Variants in PXDNL observed in about 807,000 individuals in gnomAD.
The protein encoded by PXDNL is probable oxidoreductase PXDNL.
A neutral mutation model predicts 150.8 loss-of-function variants in PXDNL; 145 were observed. The ratio of observed to expected loss-of-function variants is 0.96; its 90% CI spans 0.84 to 1.10. PXDNL has a LOEUF of 1.10. Ranked by LOEUF, PXDNL falls within the 50% of genes least tolerant of loss-of-function variation. The probability of loss-of-function intolerance (pLI) is 0.00; values close to 1 mark genes in which losing one functional copy is unlikely to be tolerated. For missense variants in PXDNL, 2,087 were observed against 1,873.9 expected, an observed-to-expected ratio of 1.11 and a Z score of -2.10; for synonymous variants, 757 against 725.7, an observed-to-expected ratio of 1.04 and a Z score of -0.69.
intron 14 of PXDNL, among the ~76,000 whole-genome samples, chr8:51,422,433 T>G (rs1178478455): frequency 1.3e-5 from 2 of 152,068 alleles, no homozygotes; most frequent in African/African-American, 4.8e-5. Context: ...AATATGTAAG[T>G]GGAAGAATGT....
chr8:51,637,735 T>C (rs143286781), intron 2 of PXDNL, among the ~76,000 whole-genome samples: 6,789 of 152,278 alleles, frequency 0.045, 506 homozygotes, highest in African/African-American at 0.15. Context: ...TTGGTCTACC[T>C]GAAAGTGACA....
intron 2 of PXDNL, among the ~76,000 whole-genome samples, chr8:51,653,832 C>A (rs557770827): frequency 6.6e-6 from 1 of 152,250 alleles, no homozygotes; most frequent in Non-Finnish European, 1.5e-5. Context: ...ACAAACACGC[C>A]CACATGGGTC....
chr8:51,724,071 G>A (rs908742818), intron 1 of PXDNL, among the ~76,000 whole-genome samples: 1 of 149,396 alleles, frequency 6.7e-6, no homozygotes, highest in Non-Finnish European at 1.5e-5. Context: ...GCTATCGCCG[G>A]ACCAGGGGTG....
intron 17 of PXDNL, among the ~76,000 whole-genome samples, chr8:51,404,518 C>G (rs148747077): frequency 0.025 from 3,678 of 146,336 alleles, 113 homozygotes; most frequent in South Asian, 0.082. Flanking sequence ...ACACAGAGTG[C>G]TGATTGGTGT....
chr8:51,466,384 T>C (rs946918043), intron 8 of PXDNL, among the ~76,000 whole-genome samples: 5 of 152,110 alleles, frequency 3.3e-5, no homozygotes, highest in Non-Finnish European at 1.5e-5. Context: ...TATCACCATA[T>C]ACAAAAATCA....
chr8:51,345,549 C>T (rs1443544900), intron 20 of PXDNL, among the ~76,000 whole-genome samples: 1 of 152,128 alleles, frequency 6.6e-6, no homozygotes, highest in African/African-American at 2.4e-5. Flanking sequence ...AATATCAACT[C>T]ATAATGTCAT....
intron 1 of PXDNL, among the ~76,000 whole-genome samples, chr8:51,661,945 A>T (rs1490810811): frequency 6.6e-6 from 1 of 152,018 alleles, no homozygotes; most frequent in Non-Finnish European, 1.5e-5. Flanking sequence ...TAAAGGCTTC[A>T]AAGAAGACAC....
At chr8:51,453,855 G>T in intron 9 of PXDNL, 70 bp from the exon 10 acceptor site, 3 of 1,509,788 alleles carry the variant, frequency 2.0e-6, no homozygotes, top group Non-Finnish European at 2.7e-6. Context: ...ATTCTGCATT[G>T]TGGTTTTAAG....
chr8:51,375,346 A>G (rs1421784003), intron 17 of PXDNL, among the ~76,000 whole-genome samples: 5 of 152,354 alleles, frequency 3.3e-5, no homozygotes, highest in Non-Finnish European at 2.9e-5. Flanking sequence ...CTCACCACTC[A>G]GAGAAAGAAA....
At chr8:51,528,647 T>C (rs575594280) in intron 4 of PXDNL, among the ~76,000 whole-genome samples, 5 of 152,242 alleles carry the variant, frequency 3.3e-5, no homozygotes, top group Admixed American at 3.3e-4. Context: ...ACACCAGTTC[T>C]TAAAAGTGGA....
At chr8:51,722,998 G>T (rs965172941) in intron 1 of PXDNL, among the ~76,000 whole-genome samples, 3 of 151,980 alleles carry the variant, frequency 2.0e-5, no homozygotes, top group Non-Finnish European at 2.9e-5. Flanking sequence ...GTCTCAGGTA[G>T]AACAGCTGAG....
intron 1 of PXDNL, among the ~76,000 whole-genome samples, chr8:51,677,820 A>G (rs1815656677): frequency 6.6e-6 from 1 of 152,198 alleles, no homozygotes; most frequent in African/African-American, 2.4e-5. Context: ...TCATTCCATA[A>G]TGAAAGTAAA....
Position 51,408,923 on chromosome 8 carries a change from C to T in PXDNL, c.2701G>A (p.Gly901Arg), listed in dbSNP as rs767934672. The stretch of plus-strand genomic sequence containing the variant: ...GCCTGGGATTCCCGCTCCGAGCTCC[C>T]GTAAACGTTGGAGCCATCGATGTAG... Reference protein sequence around the residue: ...TAYIDGSNVYGSSERESQALR... With the variant: ...TAYIDGSNVYRSSERESQALR... Residue 901 changes from glycine to arginine, a missense_variant, in exon 17 of 23, where the codon GGG (glycine) becomes AGG (arginine). Transcript: ENST00000356297. 3 of 1,612,000 alleles carry T rather than the reference C, an allele frequency of 1.9e-6. No homozygotes were observed. The highest frequency in any genetic ancestry group is 2.5e-6 in the Non-Finnish European group (3 of 1,179,362).
chr8:51,723,560 A>G (rs1816769901), intron 1 of PXDNL, among the ~76,000 whole-genome samples: 1 of 152,232 alleles, frequency 6.6e-6, no homozygotes, highest in Admixed American at 6.5e-5. Context: ...AGAGAAGTTC[A>G]TCAAGGAGAG....
chr8:51,538,357 A>C (rs895407412), intron 4 of PXDNL, among the ~76,000 whole-genome samples: 2 of 152,072 alleles, frequency 1.3e-5, no homozygotes, highest in Non-Finnish European at 2.9e-5. Context: ...AAACTGATCC[A>C]TAGATTCAAT....
intron 17 of PXDNL, among the ~76,000 whole-genome samples, chr8:51,388,326 A>G (rs1422007364): frequency 6.6e-6 from 1 of 152,102 alleles, no homozygotes; most frequent in Non-Finnish European, 1.5e-5. Flanking sequence ...TTGTAACTTA[A>G]CTTTCAGTTT....
chr8:51,700,141 A>G (rs1585684114), intron 1 of PXDNL, among the ~76,000 whole-genome samples: 1 of 149,048 alleles, frequency 6.7e-6, no homozygotes, highest in African/African-American at 2.5e-5. Context: ...AATAAAGTGA[A>G]GTGCAATAAA....
At chr8:51,362,722 T>C (rs1437041922) in intron 19 of PXDNL, among the ~76,000 whole-genome samples, 1 of 152,188 alleles carries the variant, frequency 6.6e-6, no homozygotes, top group African/African-American at 2.4e-5. Flanking sequence ...GGCAGTTGCT[T>C]AGGGCAATGA....
chr8:51,397,040 A>G (rs886669790), intron 17 of PXDNL, among the ~76,000 whole-genome samples: 2 of 152,240 alleles, frequency 1.3e-5, no homozygotes, highest in Non-Finnish European at 2.9e-5. Context: ...GTCATAAATG[A>G]ACCCATATAT....
Sources: allele counts gnomAD v4.1 joint callset (sites outside exome capture counted in the v4.1 genomes callset), GRCh38; gene constraint gnomAD v4.1.1; transcripts MANE v1.5; gene names NCBI Gene and HGNC (gene_info 2026-07-23, HGNC 2026-07-21).